Variants in HERC3 observed in about 807,000 individuals in gnomAD.
HERC3 encodes probable E3 ubiquitin-protein ligase HERC3.
A neutral mutation model predicts 129.9 loss-of-function variants in HERC3; 58 were observed. The ratio of observed to expected loss-of-function variants is 0.45; its 90% CI spans 0.36 to 0.56. The LOEUF (loss-of-function observed/expected upper bound fraction) is 0.56, where lower values mean the gene tolerates loss of function less well. HERC3 is among the 20% of genes least tolerant of loss of function. The pLI, the probability that HERC3 is intolerant of heterozygous loss-of-function variation, is 0.00. For synonymous variants in HERC3, 430 were observed against 451.0 expected (o/e 0.95, Z 0.59); for missense variants, 835 against 1,244.2 (o/e 0.67, Z 4.95).
intron 2 of HERC3, among the ~76,000 whole-genome samples, chr4:88,597,152 A>G (rs910170591): frequency 6.6e-6 from 1 of 152,192 alleles, no homozygotes; most frequent in Admixed American, 6.5e-5. Flanking sequence ...GCATATGTTC[A>G]TGAGTTTCTC....
rs763745299 is a variant in HERC3 at position 88,670,243 on chromosome 4, A to G, written c.1902A>G (p.Gln634=). 1.9e-6 allele frequency: 3 copies of G among 1,598,846 alleles called. No individual in the cohort carries two copies. Among genetic ancestry groups the G allele is most frequent in the Admixed American group, 3.3e-5 (2 of 59,894 alleles). ...QEDYLMWFLH[Q]AGMKARPSII... is the part of the protein sequence containing the mutation. ...ACTACCTCATGTGGTTCTTGCATCAAGCAGGGATGGTAAGAATTCATAAAG... is the reference window on the plus strand; with the variant it reads ...ACTACCTCATGTGGTTCTTGCATCAGGCAGGGATGGTAAGAATTCATAAAG... The change falls in exon 16 of 26, where the codon CAA becomes CAG. Residue 634 remains glutamine (Q), a synonymous_variant. Coordinates refer to ENST00000402738, the MANE Select transcript of HERC3 (RefSeq NM_014606.3).
intron 2 of HERC3, among the ~76,000 whole-genome samples, chr4:88,601,587 G>C (rs966354738): frequency 6.6e-6 from 1 of 152,162 alleles, no homozygotes; most frequent in Non-Finnish European, 1.5e-5. Flanking sequence ...CACCATTTCT[G>C]TTAGAATCCA....
chr4:88,563,305 T>C, the HERC3 span, among the ~76,000 whole-genome samples: 2 of 152,244 alleles, frequency 1.3e-5, no homozygotes, highest in East Asian at 3.8e-4. Flanking sequence ...TTGTTCACTG[T>C]TGGCATATAT....
At chr4:88,534,805 A>G in the HERC3 span, among the ~76,000 whole-genome samples, 1 of 152,242 alleles carries the variant, frequency 6.6e-6, no homozygotes, top group Non-Finnish European at 1.5e-5. Context: ...AGTAATTCTC[A>G]AAATAATAAT....
At position 88,662,427 on chromosome 4, in the gene HERC3, C is replaced by A. The variant is rs111627802; in HGVS notation, c.1147-4C>A. Reference sequence around the variant, plus strand: ...TCTTTTTACTGTTACATTTAATTCTCCAGAATTATTCTCCTGCTGTTGACT... The same window carrying A: ...TCTTTTTACTGTTACATTTAATTCTACAGAATTATTCTCCTGCTGTTGACT... On this transcript the variant is annotated splice_region_variant and splice_polypyrimidine_tract_variant and intron_variant, in intron 10 of 25. Coordinates refer to ENST00000402738, the MANE Select transcript of HERC3 (RefSeq NM_014606.3). 2.0e-5 allele frequency: 32 copies of A among 1,602,656 alleles called. No individual in the cohort carries two copies. Among genetic ancestry groups the A allele is most frequent in the Middle Eastern group, 3.4e-4 (2 of 5,962 alleles).
chr4:88,538,614 G>C, the HERC3 span, among the ~76,000 whole-genome samples: 1 of 148,068 alleles, frequency 6.8e-6, no homozygotes, highest in Admixed American at 7.0e-5. Context: ...TGCGATCTCC[G>C]CTCACTGCAA....
intron 23 of HERC3, 145 bp from the exon 24 acceptor site, chr4:88,703,951 TAA>T (rs1735545748): frequency 2.9e-6 from 2 of 686,578 alleles, no homozygotes; most frequent in African/African-American, 3.6e-5. Flanking sequence ...GGAGAGCTGG[TAA>T]CCTATATGAT....
chr4:88,706,712 C>T (rs377114028), intron 25 of HERC3, 40 bp from the exon 26 acceptor site: 158 of 1,554,094 alleles, frequency 1.0e-4, no homozygotes, highest in Non-Finnish European at 1.3e-4. Flanking sequence ...ATCCATTTTC[C>T]GTTTGCTTAG....
chr4:88,622,773 A>T (rs771419581), intron 3 of HERC3, among the ~76,000 whole-genome samples: 2 of 152,114 alleles, frequency 1.3e-5, no homozygotes, highest in Non-Finnish European at 2.9e-5. Context: ...TACTAAAAAT[A>T]CAAAAATTAG....
At chr4:88,524,820 G>A in the HERC3 span, 22 of 151,666 alleles carry the variant, frequency 1.5e-4, no homozygotes, top group African/African-American at 4.6e-4. Flanking sequence ...TTTTCCCTCC[G>A]TTCTGCTGAA....
chr4:88,616,112 T>C (rs1724869904), intron 3 of HERC3, among the ~76,000 whole-genome samples: 1 of 152,324 alleles, frequency 6.6e-6, no homozygotes, highest in East Asian at 1.9e-4. Context: ...GTTAGGGTTG[T>C]TAAGGGAGAG....
the HERC3 span, among the ~76,000 whole-genome samples, chr4:88,549,703 C>A: frequency 6.8e-6 from 1 of 147,342 alleles, no homozygotes; most frequent in Non-Finnish European, 1.5e-5. Flanking sequence ...TTTTCTTTTT[C>A]TTTTTCTTTT....
In HERC3 at chr4:88,706,995, C is replaced by A; in HGVS notation, c.*35C>A. 1 of 1,533,134 alleles carries A rather than the reference C, an allele frequency of 6.5e-7. No homozygotes were observed. The highest frequency in any genetic ancestry group is 9.0e-7 in the Non-Finnish European group (1 of 1,106,302). 95.0% of individuals were successfully genotyped at this position (1,533,134 alleles called of 1,614,324 possible). A position where few individuals can be genotyped will look rare whatever the true frequency, so the allele number is the denominator to read the frequency against. ...GCTTGTCCAGTATTTCCCTTCGTTCCTCAGTGTCCACATTGAGGCCTATAC... is the reference window on the plus strand; with the variant it reads ...GCTTGTCCAGTATTTCCCTTCGTTCATCAGTGTCCACATTGAGGCCTATAC... On this transcript the variant is annotated 3_prime_UTR_variant, in exon 26 of 26. Coordinates refer to ENST00000402738, the MANE Select transcript of HERC3 (RefSeq NM_014606.3).
chr4:88,607,172 GGTGTGT>G (rs3036481), intron 3 of HERC3, among the ~76,000 whole-genome samples: 127 of 149,834 alleles, frequency 8.5e-4, no homozygotes, highest in Admixed American at 5.3e-3. Context: ...GTAGCACTTT[GGTGTGT>G]GTGTGTGTGT....
chr4:88,606,526 G>A (rs1048147363), intron 3 of HERC3, among the ~76,000 whole-genome samples: 2 of 152,044 alleles, frequency 1.3e-5, no homozygotes, highest in Non-Finnish European at 2.9e-5. Flanking sequence ...TGTATTAGTC[G>A]GTTTTCACAC....
At chr4:88,675,782 C>G (rs1373938458) in intron 16 of HERC3, among the ~76,000 whole-genome samples, 1 of 151,252 alleles carries the variant, frequency 6.6e-6, no homozygotes, top group African/African-American at 2.4e-5. Flanking sequence ...TTGGTTTCTC[C>G]TAAGAGTAGC....
intron 3 of HERC3, among the ~76,000 whole-genome samples, chr4:88,630,667 C>A (rs1424887123): frequency 6.6e-6 from 1 of 152,134 alleles, no homozygotes; most frequent in Non-Finnish European, 1.5e-5. Context: ...TGATTTCAGT[C>A]CTCTTAGAGG....
In HERC3 at chr4:88,654,027, T is replaced by C. The variant is rs1197021652; in HGVS notation, c.686-15T>C. 1.3e-6 allele frequency: 2 copies of C among 1,572,496 alleles called. No individual in the cohort carries two copies. Among genetic ancestry groups the C allele is most frequent in the Non-Finnish European group, 1.7e-6 (2 of 1,142,934 alleles). On this transcript the variant is annotated splice_polypyrimidine_tract_variant and intron_variant, in intron 6 of 25. Coordinates refer to ENST00000402738, the MANE Select transcript of HERC3 (RefSeq NM_014606.3). ...GGCAAATGGTAGTGATATTCTGATA[T>C]TTAATTTATTCTAGATCGAGAATCT...
At chr4:88,650,950 A>G (rs1729208265) in intron 4 of HERC3, among the ~76,000 whole-genome samples, 1 of 152,144 alleles carries the variant, frequency 6.6e-6, no homozygotes, top group African/African-American at 2.4e-5. Context: ...TTGTCTCTTT[A>G]ATCAAAAGTT....
Sources: allele counts gnomAD v4.1 joint callset (sites outside exome capture counted in the v4.1 genomes callset), GRCh38; gene constraint gnomAD v4.1.1; transcripts MANE v1.5; gene names NCBI Gene and HGNC (gene_info 2026-07-23, HGNC 2026-07-21).